TAX1BP1: variants seen among roughly 807,000 people sequenced by gnomAD.
TAX1BP1 encodes the protein Tax1 binding protein 1, also known as tax1-binding protein 1.
Under a neutral mutation model 97.7 loss-of-function variants are expected in TAX1BP1, and 62 were observed. That is an observed-to-expected ratio of 0.63 (90% CI 0.52 to 0.78). TAX1BP1 has a LOEUF of 0.78. TAX1BP1 is among the 30% of genes least tolerant of loss of function. The pLI is 0.00. For missense variants in TAX1BP1, 867 were observed against 916.1 expected (o/e 0.95, Z 0.69); for synonymous variants, 340 against 304.2 (o/e 1.12, Z -1.23).
chr7:27,766,959 T>G (rs944677276), intron 4 of TAX1BP1, among the ~76,000 whole-genome samples: 2 of 152,194 alleles, frequency 1.3e-5, no homozygotes, highest in East Asian at 3.8e-4. Flanking sequence ...TATTTACTCC[T>G]TACTGTTTTT....
chr7:27,760,899 T>C (rs1276675635), intron 3 of TAX1BP1, among the ~76,000 whole-genome samples: 2 of 152,342 alleles, frequency 1.3e-5, no homozygotes, highest in East Asian at 3.9e-4. Flanking sequence ...CCAGATGTTG[T>C]GATTTAATTG....
At chr7:27,748,030 G>T (rs946688887) in intron 1 of TAX1BP1, among the ~76,000 whole-genome samples, 19 of 152,102 alleles carry the variant, frequency 1.2e-4, no homozygotes, top group African/African-American at 4.6e-4. Context: ...GAATGGGATG[G>T]GCTAGGTTAG....
At chr7:27,798,367 CTG>C (rs1224710565) in intron 12 of TAX1BP1, among the ~76,000 whole-genome samples, 1 of 151,688 alleles carries the variant, frequency 6.6e-6, no homozygotes, top group East Asian at 1.9e-4. Context: ...TTGAATAACT[CTG>C]TAAGAAATTA....
intron 1 of TAX1BP1, among the ~76,000 whole-genome samples, chr7:27,746,940 A>G (rs1787844505): frequency 6.6e-6 from 1 of 152,230 alleles, no homozygotes; most frequent in Non-Finnish European, 1.5e-5. Flanking sequence ...AATTTGCCTT[A>G]GTATTTCAAA....
At chr7:27,772,312 A>G (rs923495355) in intron 5 of TAX1BP1, 2 of 152,032 alleles carry the variant, frequency 1.3e-5, no homozygotes, top group South Asian at 2.1e-4. Context: ...AATCTGTTCC[A>G]TGGTGTGAAT....
At chr7:27,740,748 C>T (rs571457464) in intron 1 of TAX1BP1, among the ~76,000 whole-genome samples, 84 of 152,194 alleles carry the variant, frequency 5.5e-4, no homozygotes, top group Non-Finnish European at 1.1e-3. Flanking sequence ...TTTGCCTTTG[C>T]GGAGAGAAAC....
At chr7:27,757,056 A>G (rs756324827) in intron 2 of TAX1BP1, among the ~76,000 whole-genome samples, 5 of 152,144 alleles carry the variant, frequency 3.3e-5, no homozygotes, top group East Asian at 1.9e-4. Flanking sequence ...TGTAGTTTCA[A>G]CCATTCCTTT....
chr7:27,779,587 T>C (rs1392379795), intron 5 of TAX1BP1, among the ~76,000 whole-genome samples: 3 of 152,214 alleles, frequency 2.0e-5, no homozygotes, highest in Non-Finnish European at 2.9e-5. Flanking sequence ...GCCAATTTAA[T>C]TTTTTGTCTT....
chr7:27,744,952 T>C (rs1248061010), intron 1 of TAX1BP1, among the ~76,000 whole-genome samples: 1 of 152,210 alleles, frequency 6.6e-6, no homozygotes, highest in Non-Finnish European at 1.5e-5. Flanking sequence ...GCATTGGAAC[T>C]TGGGGAAGTG....
At chr7:27,754,873 C>T (rs1278242574) in intron 2 of TAX1BP1, among the ~76,000 whole-genome samples, 1 of 152,070 alleles carries the variant, frequency 6.6e-6, no homozygotes, top group African/African-American at 2.4e-5. Flanking sequence ...GTAAACCACC[C>T]CACCTGGCTT....
intron 13 of TAX1BP1, among the ~76,000 whole-genome samples, chr7:27,811,816 C>T (rs551820632): frequency 6.6e-6 from 1 of 152,196 alleles, no homozygotes; most frequent in Admixed American, 6.5e-5. Flanking sequence ...CTGTCCCTGT[C>T]GTTTTATGGC....
intron 7 of TAX1BP1, 67 bp downstream of exon 7, chr7:27,785,556 T>C: frequency 7.5e-7 from 1 of 1,325,634 alleles, no homozygotes. Context: ...ACTTAGGGGC[T>C]GTAGGTCAGC....
Position 27,786,760 on chromosome 7 carries a change from G to A in TAX1BP1, c.853-658G>A, listed in dbSNP as rs115674833. On this transcript the variant is annotated intron_variant, in intron 7 of 16. Transcript: ENST00000396319. The stretch of plus-strand genomic sequence containing the variant: ...ATTCTGTATATTTAAAGAGTAAAGT[G>A]CAAGAAGTAAGTTAATTCATTTCTC... 3.7e-3 allele frequency among the ~76,000 whole-genome samples: 558 copies of A among 152,298 alleles called. 3 individuals carry two copies. Among genetic ancestry groups the A allele is most frequent in the African/African-American group, 0.013 (530 of 41,554 alleles).
chr7:27,819,412 C>A (rs1264459316), intron 15 of TAX1BP1, among the ~76,000 whole-genome samples: 1 of 152,228 alleles, frequency 6.6e-6, no homozygotes, highest in Non-Finnish European at 1.5e-5. Flanking sequence ...AAGCCACCTT[C>A]ATTTCCTGTT....
chr7:27,808,600 T>G (rs571166924), intron 13 of TAX1BP1, among the ~76,000 whole-genome samples: 2 of 152,302 alleles, frequency 1.3e-5, no homozygotes, highest in South Asian at 2.1e-4. Flanking sequence ...AATATATTAT[T>G]TCTCCTATTT....
intron 5 of TAX1BP1, among the ~76,000 whole-genome samples, chr7:27,776,944 A>G (rs1011551973): frequency 2.0e-5 from 3 of 151,230 alleles, no homozygotes; most frequent in South Asian, 4.2e-4. Flanking sequence ...CAGTATATAT[A>G]TATTTTTTAT....
intron 13 of TAX1BP1, chr7:27,803,123 G>A (rs1790201166): frequency 6.5e-7 from 1 of 1,546,986 alleles, no homozygotes; most frequent in Non-Finnish European, 8.7e-7. Flanking sequence ...AATTGGCAGA[G>A]AAAGACAAAG....
chr7:27,814,614 TTACTC>T (rs1385940271), intron 13 of TAX1BP1, among the ~76,000 whole-genome samples: 1 of 152,252 alleles, frequency 6.6e-6, no homozygotes, highest in African/African-American at 2.4e-5. Flanking sequence ...TCTATTGATT[TTACTC>T]TAAGTAGAAT....
Position 27,819,207 on chromosome 7 carries a change from T to G in TAX1BP1, c.2085+2169T>G, listed in dbSNP as rs563815286. ...GTTTCTAAGAACTGCTCCATGATGT[T>G]AAGTAAGGACTTGCTGACCGTTAAG... On this transcript the variant is annotated intron_variant, in intron 15 of 16. Transcript: ENST00000396319. Among the ~76,000 whole-genome samples, 4 of 152,206 alleles carry G rather than the reference T, an allele frequency of 2.6e-5. No homozygotes were observed. The South Asian group carries it at 8.3e-4, about 32-fold the overall frequency.
Sources: gnomAD v4.1 joint callset for allele counts (sites outside exome capture counted in the v4.1 genomes callset) on GRCh38, gnomAD v4.1.1 for gene constraint, MANE v1.5 for transcripts, NCBI Gene and HGNC (gene_info 2026-07-23, HGNC 2026-07-21) for gene names.